The following TRIM22 variants were observed in gnomAD, a reference collection of about 807,000 sequenced individuals.
TRIM22 encodes E3 ubiquitin-protein ligase TRIM22.
Under a neutral mutation model 53.6 loss-of-function variants are expected in TRIM22, and 45 were observed. The observed-to-expected ratio is 0.84, with a 90% CI of 0.66 to 1.08. The LOEUF (loss-of-function observed/expected upper bound fraction) is 1.08, where lower values mean the gene tolerates loss of function less well. Ranked by LOEUF, TRIM22 falls within the 50% of genes least tolerant of loss-of-function variation. The pLI, the probability that TRIM22 is intolerant of heterozygous loss-of-function variation, is 0.00. For missense variants in TRIM22, 616 were observed against 590.9 expected (o/e 1.04, Z -0.44); for synonymous variants, 225 against 216.6 (o/e 1.04, Z -0.34).
chr11:5,703,677 G>A (rs544398619), intron 4 of TRIM22, among the ~76,000 whole-genome samples: 1 of 95,034 alleles, frequency 1.1e-5, no homozygotes, highest in Non-Finnish European at 2.1e-5. Flanking sequence ...GAGCCACCGC[G>A]CCCGGAAATT....
chr11:5,695,201 G>A (rs1042817746), intron 1 of TRIM22, among the ~76,000 whole-genome samples: 6 of 152,162 alleles, frequency 3.9e-5, no homozygotes, highest in Admixed American at 3.9e-4. Context: ...TGCAGTGAGT[G>A]ACAGTACTGG....
At chr11:5,691,661 T>C (rs564042158) in intron 1 of TRIM22, among the ~76,000 whole-genome samples, 1 of 152,356 alleles carries the variant, frequency 6.6e-6, no homozygotes, top group Non-Finnish European at 1.5e-5. Context: ...TTATTCTAGG[T>C]ACACCTTTTC....
chr11:5,691,088 G>A (rs571746491), intron 1 of TRIM22: 3 of 152,436 alleles, frequency 2.0e-5, no homozygotes, highest in Admixed American at 6.5e-5. Flanking sequence ...TGAAGGTCCA[G>A]TCACAGGGAA....
intron 7 of TRIM22, 25 bp from the exon 8 acceptor site, chr11:5,709,028 C>T (rs772316118): frequency 6.3e-7 from 1 of 1,578,114 alleles, no homozygotes; most frequent in East Asian, 2.2e-5. Flanking sequence ...ATATCCTTCA[C>T]TTGACTTGGT....
chr11:5,708,334 A>G (rs1014913931), intron 6 of TRIM22, 61 bp downstream of exon 6: 25 of 1,496,344 alleles, frequency 1.7e-5, no homozygotes, highest in Non-Finnish European at 2.3e-5. Context: ...CTCAATAGGG[A>G]AGCGGGAGGT....
chr11:5,696,394 C>G lies in TRIM22; in HGVS notation c.162C>G (p.Ser54Arg). Reference protein sequence around the residue: ...KESVIISRGESSCPVCQTRFQ... With the variant: ...KESVIISRGERSCPVCQTRFQ... ...CAGTGATCATCTCAAGAGGGGAAAG[C>G]AGCTGTCCTGTGTGTCAGACCAGAT... The change falls in exon 2 of 8, where the codon AGC (serine) becomes AGG (arginine). Residue 54 changes from serine (S) to arginine (R), a missense_variant. Transcript: ENST00000379965. The G allele has an allele frequency of 6.2e-7, 1 of 1,614,252 alleles. No homozygotes were observed. Among genetic ancestry groups the G allele is most frequent in the South Asian group, 1.1e-5 (1 of 91,092 alleles).
intron 6 of TRIM22, 35 bp downstream of exon 6, chr11:5,708,308 T>C: frequency 6.3e-7 from 1 of 1,582,014 alleles, no homozygotes; most frequent in East Asian, 2.2e-5. Context: ...TGAATGTGGA[T>C]TTCTTAGTAT....
At chr11:5,693,558 A>C (rs1853209471) in intron 1 of TRIM22, among the ~76,000 whole-genome samples, 1 of 151,708 alleles carries the variant, frequency 6.6e-6, no homozygotes, top group Admixed American at 6.6e-5. Flanking sequence ...GTCTCTACTA[A>C]AAAGACACCA....
At chr11:5,694,457 TG>T (rs1853224575) in intron 1 of TRIM22, among the ~76,000 whole-genome samples, 1 of 152,238 alleles carries the variant, frequency 6.6e-6, no homozygotes, top group African/African-American at 2.4e-5. Flanking sequence ...ACTACATAGC[TG>T]GTCTGGATCT....
chr11:5,706,583 C>G lies in TRIM22; in HGVS notation c.751-11C>G, dbSNP rs1472415956. 2.5e-6 allele frequency: 4 copies of G among 1,611,698 alleles called. No homozygotes were observed. Among genetic ancestry groups the G allele is most frequent in the Non-Finnish European group, 3.4e-6 (4 of 1,178,660 alleles). On this transcript the variant is annotated splice_polypyrimidine_tract_variant and intron_variant, in intron 4 of 7. Coordinates refer to ENST00000379965, the MANE Select transcript of TRIM22 (RefSeq NM_006074.5). ...CCCTATCTTGACTCATGTTTTCTAT[C>G]TTTTCCCCAGGATGTGATTGACGTC...
At chr11:5,697,099 T>C in intron 2 of TRIM22, 149 bp from the exon 3 acceptor site, 1 of 597,462 alleles carries the variant, frequency 1.7e-6, no homozygotes, top group East Asian at 2.8e-5. Flanking sequence ...CTCCTCAGAT[T>C]TTCCCCCATG....
At chr11:5,698,624 C>T (rs1853313920) in intron 4 of TRIM22, 79 bp downstream of exon 4, 1 of 1,170,596 alleles carries the variant, frequency 8.5e-7, no homozygotes, top group Admixed American at 2.1e-5. Context: ...TTCCCAGTCT[C>T]TAGGCTTTCT....
intron 4 of TRIM22, among the ~76,000 whole-genome samples, chr11:5,705,867 G>A (rs916235838): frequency 2.0e-5 from 3 of 152,078 alleles, no homozygotes; most frequent in Admixed American, 2.0e-4. Context: ...TTGGTCCTGT[G>A]GCTTGTTTCA....
chr11:5,692,793 C>CAAAAAAAA (rs749260436), intron 1 of TRIM22, among the ~76,000 whole-genome samples: 2 of 95,768 alleles, frequency 2.1e-5, no homozygotes, highest in Admixed American at 1.1e-4. Context: ...GACCTTGTCT[C>CAAAAAAAA]AAAAAAAAAA....
rs767680192 is a variant in TRIM22 at position 5,698,273 on chromosome 11, A to G, written c.520-42A>G. ...CCAGGCTCATACAAAGCAGGCCTTC[A>G]ACCAGCCAGACTGACTGCCTCTTTC... On this transcript the variant is annotated intron_variant, in intron 3 of 7. Transcript: ENST00000379965. 3 of 1,566,974 alleles carry G rather than the reference A, an allele frequency of 1.9e-6. No homozygotes were observed. In the South Asian group the frequency reaches 3.4e-5, roughly 18 times the overall value.
rs1299983958 is a variant in TRIM22 at position 5,698,398 on chromosome 11, G to A, written c.603G>A (p.Glu201=). Residue 201 remains glutamate (E), a synonymous_variant, in exon 4 of 8, where the codon GAG becomes GAA. Transcript: ENST00000379965. ...TCTTGGACAATGAGGAGCAGAGAGA[G>A]CTGCAAAAGCTGGAGGAAGGTGAGG... ...RVILDNEEQR[E]LQKLEEGEVN... The A allele has an allele frequency of 6.2e-7, 1 of 1,614,224 alleles. No homozygotes were observed. The highest frequency in any genetic ancestry group is 8.5e-7 in the Non-Finnish European group (1 of 1,180,038).
chr11:5,698,486 A>T lies in TRIM22; in HGVS notation c.691A>T (p.Ser231Cys). The T allele has an allele frequency of 6.2e-7, 1 of 1,614,070 alleles. No individual in the cohort carries two copies. Among genetic ancestry groups the T allele is most frequent in the East Asian group, 2.2e-5 (1 of 44,878 alleles). ...GCTGGTCCAGCAGAGGCAGGATGCC[A>T]GCACGCTCATCTCAGATCTCCAGCG... ...DQLVQQRQDASTLISDLQRRL... is the reference protein window; with the variant it reads ...DQLVQQRQDACTLISDLQRRL... The change falls in exon 4 of 8, where the codon AGC (serine) becomes TGC (cysteine). Residue 231 changes from serine (S) to cysteine (C), a missense_variant. Ser to Cys is a moderately radical substitution (Grantham distance 112, BLOSUM62 -1). Coordinates refer to ENST00000379965, the MANE Select transcript of TRIM22 (RefSeq NM_006074.5).
Position 5,709,504 on chromosome 11 carries a change from A to G in TRIM22, c.1353A>G (p.Ala451=). The change falls in exon 8 of 8, where the codon GCA becomes GCG. Residue 451 remains alanine (A), a synonymous_variant. Coordinates refer to ENST00000379965, the MANE Select transcript of TRIM22 (RefSeq NM_006074.5). ...TTGGGGTTTTCCTAGACTATGAGGC[A>G]GGCATTGTCTCATTTTTCAATGTCA... ...CRIGVFLDYE[A]GIVSFFNVTN... The G allele has an allele frequency of 6.2e-7, 1 of 1,614,106 alleles. No homozygotes were observed. Among genetic ancestry groups the G allele is most frequent in the South Asian group, 1.1e-5 (1 of 91,090 alleles).
Position 5,693,189 on chromosome 11 carries a change from C to CTTTTT in TRIM22, c.-66-2962_-66-2958dup, listed in dbSNP as rs55820335. ...GGCTTGAGCCACAGCGCCTGGCCATCTTTTTTTTTTTTTTTTTTTTGATTT... is the reference window on the plus strand; with the variant it reads ...GGCTTGAGCCACAGCGCCTGGCCATCTTTTTTTTTTTTTTTTTTTTTTTTTGATTT... On this transcript the variant is annotated intron_variant, in intron 1 of 7. Coordinates refer to ENST00000379965, the MANE Select transcript of TRIM22 (RefSeq NM_006074.5). Among the ~76,000 whole-genome samples the CTTTTT allele has an allele frequency of 4.0e-5, 5 of 125,602 alleles. No homozygotes were observed. The East Asian group carries it at 1.0e-3, about 26-fold the overall frequency. 82.4% of individuals were successfully genotyped at this position (125,602 alleles called of 152,430 possible). A position where few individuals can be genotyped will look rare whatever the true frequency, so the allele number is the denominator to read the frequency against.
Sources: allele counts gnomAD v4.1 joint callset (sites outside exome capture counted in the v4.1 genomes callset), GRCh38; gene constraint gnomAD v4.1.1; transcripts MANE v1.5; gene names NCBI Gene and HGNC (gene_info 2026-07-23, HGNC 2026-07-21).